SYT10: variants seen among roughly 807,000 people sequenced by gnomAD.
SYT10 encodes synaptotagmin 10.
Under a neutral mutation model 51.1 loss-of-function variants are expected in SYT10, and 31 were observed. The ratio of observed to expected loss-of-function variants is 0.61; its 90% CI spans 0.46 to 0.82. The LOEUF is 0.82. Ranked by LOEUF, SYT10 falls within the 40% of genes least tolerant of loss-of-function variation. The probability of loss-of-function intolerance (pLI) is 0.00; values close to 1 mark genes in which losing one functional copy is unlikely to be tolerated. For missense variants in SYT10, 603 were observed against 634.0 expected (o/e 0.95, Z 0.53); for synonymous variants, 233 against 225.9 (o/e 1.03, Z -0.28).
rs747974268 is a variant in SYT10, at chr12:33,412,286, CTAA to C, written c.510-4933_510-4931del. Among the ~76,000 whole-genome samples, 24 of 152,070 alleles carry C rather than the reference CTAA, an allele frequency of 1.6e-4. No homozygotes were observed. The South Asian group carries it at 4.6e-3, about 29-fold the overall frequency. The stretch of plus-strand genomic sequence containing the variant: ...ATTTTTGTTCTAGTAAGTCAGTGTC[CTAA>C]TAATAGGGTAAATAGCACATATTCT... On this transcript the variant is annotated intron_variant, in intron 2 of 6. Coordinates refer to ENST00000228567, the MANE Select transcript of SYT10 (RefSeq NM_198992.4).
At chr12:33,377,418 A>C (rs1866072786) in intron 6 of SYT10, among the ~76,000 whole-genome samples, 1 of 151,342 alleles carries the variant, frequency 6.6e-6, no homozygotes, top group Admixed American at 6.6e-5. Flanking sequence ...ATTTCTAGGA[A>C]AGAGCAGTAA....
At chr12:33,402,533 T>G (rs1409908742) in intron 3 of SYT10, among the ~76,000 whole-genome samples, 1 of 152,230 alleles carries the variant, frequency 6.6e-6, no homozygotes, top group Non-Finnish European at 1.5e-5. Flanking sequence ...GCATATACTT[T>G]ATTTCTTTGT....
rs1487885797 is a variant in SYT10, at chr12:33,407,371, A to G, written c.510-15T>C. On this transcript the variant is annotated splice_polypyrimidine_tract_variant and intron_variant, in intron 2 of 6. Coordinates refer to ENST00000228567, the MANE Select transcript of SYT10 (RefSeq NM_198992.4). Reference sequence around the variant, plus strand: ...AGGAACTGTGGCTGAACACACACACATATACACAAAATCATTGAGGGAGAT... The same window carrying G: ...AGGAACTGTGGCTGAACACACACACGTATACACAAAATCATTGAGGGAGAT... The G allele has an allele frequency of 4.4e-6, 7 of 1,596,470 alleles. No individual in the cohort carries two copies. Among genetic ancestry groups the G allele is most frequent in the South Asian group, 3.3e-5 (3 of 90,370 alleles).
Position 33,376,824 on chromosome 12 carries a change from G to A in SYT10, c.*6C>T. 6.2e-7 allele frequency: 1 copy of A among 1,613,956 alleles called. No homozygotes were observed. Among genetic ancestry groups the A allele is most frequent in the Non-Finnish European group, 8.5e-7 (1 of 1,179,926 alleles). Reference sequence around the variant, plus strand: ...TGCTTAATATCATGGTCTCATTTTGGAGGCATTATGGTGTGGAAGGTGGTT... The same window carrying A: ...TGCTTAATATCATGGTCTCATTTTGAAGGCATTATGGTGTGGAAGGTGGTT... On this transcript the variant is annotated 3_prime_UTR_variant, in exon 7 of 7. Transcript: ENST00000228567.
chr12:33,430,896 T>C (rs989376247), intron 1 of SYT10, among the ~76,000 whole-genome samples: 3 of 152,158 alleles, frequency 2.0e-5, no homozygotes, highest in African/African-American at 7.2e-5. Flanking sequence ...ATTACCATTA[T>C]AATAATTAGG....
chr12:33,389,847 T>C (rs1250230580), intron 3 of SYT10, among the ~76,000 whole-genome samples: 3 of 152,188 alleles, frequency 2.0e-5, no homozygotes, highest in African/African-American at 4.8e-5. Context: ...GCCCACACAA[T>C]AAGCTACAAC....
chr12:33,399,272 T>G (rs374794692), intron 3 of SYT10, among the ~76,000 whole-genome samples: 1 of 152,226 alleles, frequency 6.6e-6, no homozygotes, highest in Non-Finnish European at 1.5e-5. Context: ...TATCGTACTG[T>G]GCTTACCCAG....
Position 33,376,864 on chromosome 12 carries a change from G to A in SYT10, c.1538C>T (p.Ser513Phe), listed in dbSNP as rs1018691002. The change falls in exon 7 of 7, where the codon TCC (serine) becomes TTC (phenylalanine). Residue 513 changes from serine to phenylalanine, a missense_variant. Coordinates refer to ENST00000228567, the MANE Select transcript of SYT10 (RefSeq NM_198992.4). ...GGAAGGTGGTTTAGGAGAAGGGCAG[G>A]ATCCTTGACTATCAAAACTGGTCGC... Reference protein sequence around the residue: ...GRATSFDSQGSCPSPKPPSTP With the variant: ...GRATSFDSQGFCPSPKPPSTP The A allele has an allele frequency of 3.1e-5, 50 of 1,613,926 alleles. No individual in the cohort carries two copies. The highest frequency in any genetic ancestry group is 3.6e-5 in the Non-Finnish European group (43 of 1,179,984).
chr12:33,384,943 A>G (rs374339995), intron 4 of SYT10, among the ~76,000 whole-genome samples: 79 of 152,370 alleles, frequency 5.2e-4, no homozygotes, highest in African/African-American at 1.8e-3. Context: ...TGGAAGAAAC[A>G]GAAACAAGAA....
intron 4 of SYT10, among the ~76,000 whole-genome samples, chr12:33,383,349 A>G (rs1282627880): frequency 6.6e-6 from 1 of 151,744 alleles, no homozygotes; most frequent in African/African-American, 2.4e-5. Flanking sequence ...CTTTTTTCCT[A>G]TTTCCATAGT....
At chr12:33,430,619 T>C (rs1866589267) in intron 1 of SYT10, among the ~76,000 whole-genome samples, 1 of 152,168 alleles carries the variant, frequency 6.6e-6, no homozygotes, top group Non-Finnish European at 1.5e-5. Context: ...AAAATTCTAG[T>C]TCATTTTTAA....
In SYT10 at chr12:33,426,140, G is replaced by T. The variant is rs1591997236; in HGVS notation, c.507C>A (p.Thr169=). 2 of 1,596,372 alleles carry T rather than the reference G, an allele frequency of 1.3e-6. No individual in the cohort carries two copies. Among genetic ancestry groups the T allele is most frequent in the Non-Finnish European group, 8.5e-7 (1 of 1,174,290 alleles). ...QRQITEPTSS[T]RHSSFRRHLP... is the part of the protein sequence containing the mutation. ...TTATATATTTAATCTTTCCTTACCG[G>T]GTTGATGACGTAGGCTCAGTAATTT... Residue 169 remains threonine, a splice_region_variant and synonymous_variant, in exon 2 of 7, where the codon ACC becomes ACA. Transcript: ENST00000228567.
chr12:33,405,067 T>C (rs2138413061), intron 3 of SYT10: 1 of 152,300 alleles, frequency 6.6e-6, no homozygotes, highest in East Asian at 1.9e-4. Context: ...TTTTTTAGAT[T>C]TCATTGGCAG....
chr12:33,387,951 C>A (rs1866171488), intron 3 of SYT10, among the ~76,000 whole-genome samples: 1 of 151,994 alleles, frequency 6.6e-6, no homozygotes, highest in Admixed American at 6.6e-5. Flanking sequence ...CCATGTTGGC[C>A]AGGCTGGTCT....
intron 2 of SYT10, chr12:33,424,109 T>C (rs537484203): frequency 4.7e-6 from 2 of 422,146 alleles, no homozygotes; most frequent in South Asian, 1.7e-5. Context: ...TTACAAAATA[T>C]CAGATATATA....
chr12:33,396,952 A>G (rs1289544226), intron 3 of SYT10, among the ~76,000 whole-genome samples: 1 of 152,158 alleles, frequency 6.6e-6, no homozygotes, highest in African/African-American at 2.4e-5. Flanking sequence ...ATTCCACATT[A>G]AGGAGATCCT....
chr12:33,432,310 T>C (rs946678073), intron 1 of SYT10: 1 of 152,110 alleles, frequency 6.6e-6, no homozygotes, highest in African/African-American at 2.4e-5. Flanking sequence ...GTACCAAATA[T>C]GGTATTCAAA....
At chr12:33,406,696 C>A in intron 3 of SYT10, 93 bp downstream of exon 3, 1 of 1,105,562 alleles carries the variant, frequency 9.0e-7, no homozygotes, top group Non-Finnish European at 1.3e-6. Context: ...TTCCATAACT[C>A]TGCAAGGCTT....
intron 6 of SYT10, among the ~76,000 whole-genome samples, chr12:33,379,356 G>A (rs1810502081): frequency 6.6e-6 from 1 of 151,926 alleles, no homozygotes; most frequent in African/African-American, 2.4e-5. Context: ...CCTGACCAGA[G>A]CTGAGGGAGA....
Sources: gnomAD v4.1 joint callset for allele counts (sites outside exome capture counted in the v4.1 genomes callset) on GRCh38, gnomAD v4.1.1 for gene constraint, MANE v1.5 for transcripts, NCBI Gene and HGNC (gene_info 2026-07-23, HGNC 2026-07-21) for gene names.